GRIN2B: variants seen among roughly 807,000 people sequenced by gnomAD.
GRIN2B encodes glutamate receptor ionotropic, NMDA 2B.
A neutral mutation model predicts 114.5 loss-of-function variants in GRIN2B; 5 were observed. The ratio of observed to expected loss-of-function variants is 0.04; its 90% confidence interval spans 0.02 to 0.09. The LOEUF is 0.09. Among genes scored for constraint, GRIN2B ranks in the 10% least tolerant of loss-of-function variants. GRIN2B has a pLI of 1.00. For synonymous variants in GRIN2B, 787 were observed against 745.1 expected (o/e 1.06, Z -0.92); for missense variants, 1,108 against 1,943.5 (o/e 0.57, Z 8.08).
At chr12:13,609,127 A>G (rs1052241465) in intron 9 of GRIN2B, among the ~76,000 whole-genome samples, 15 of 152,142 alleles carry the variant, frequency 9.9e-5, no homozygotes, top group Non-Finnish European at 1.9e-4. Context: ...ACCTGCCCCC[A>G]TATACAAGAC....
At chr12:13,598,209 T>C (rs2136451161) in intron 10 of GRIN2B, among the ~76,000 whole-genome samples, 1 of 152,362 alleles carries the variant, frequency 6.6e-6, no homozygotes, top group Non-Finnish European at 1.5e-5. Context: ...CCAACCTCAG[T>C]GCAGCTGGTC....
At chr12:13,676,429 T>A (rs1418766633) in intron 4 of GRIN2B, among the ~76,000 whole-genome samples, 2 of 152,166 alleles carry the variant, frequency 1.3e-5, no homozygotes, top group Non-Finnish European at 2.9e-5. Context: ...TCAGCCTTTT[T>A]GAGCCTCTGT....
intron 4 of GRIN2B, among the ~76,000 whole-genome samples, chr12:13,726,563 TATATATTATA>T (rs1482267311): frequency 2.0e-5 from 3 of 147,668 alleles, no homozygotes; most frequent in Admixed American, 6.8e-5. Context: ...TATATATATT[TATATATTATA>T]AATATATATA....
rs1867046312 is a variant in GRIN2B, at chr12:13,932,211, G to A, written c.-19+47717C>T. 2.0e-5 allele frequency among the ~76,000 whole-genome samples: 3 copies of A among 152,174 alleles called. No individual in the cohort carries two copies. In the South Asian group the frequency reaches 6.2e-4, roughly 32 times the overall value. ...ATACCAAACTCGCTCATGTCCTGGGGCATATGTCCTGGTTGTTGGTTCTCT... is the reference window on the plus strand; with the variant it reads ...ATACCAAACTCGCTCATGTCCTGGGACATATGTCCTGGTTGTTGGTTCTCT... On this transcript the variant is annotated intron_variant, in intron 2 of 13. Transcript: ENST00000609686.
chr12:13,888,436 T>TG (rs35973211), intron 2 of GRIN2B, among the ~76,000 whole-genome samples: 6 of 145,862 alleles, frequency 4.1e-5, no homozygotes, highest in Admixed American at 1.4e-4. Context: ...GCATAAAAGA[T>TG]AAAAAAAAAA....
At chr12:13,691,683 G>GT (rs1950216192) in intron 4 of GRIN2B, among the ~76,000 whole-genome samples, 1 of 152,166 alleles carries the variant, frequency 6.6e-6, no homozygotes, top group Admixed American at 6.5e-5. Context: ...GGGGGTTGGG[G>GT]TGAGTGTAGA....
intron 2 of GRIN2B, among the ~76,000 whole-genome samples, chr12:13,931,886 C>A (rs922543734): frequency 4.6e-5 from 7 of 152,116 alleles, no homozygotes; most frequent in Non-Finnish European, 1.0e-4. Context: ...ATAACTGCGA[C>A]CTTAATCCCC....
chr12:13,621,621 T>G (rs1400210890), intron 5 of GRIN2B, among the ~76,000 whole-genome samples: 60 of 145,246 alleles, frequency 4.1e-4, no homozygotes, highest in African/African-American at 9.0e-4. Context: ...TTGTTTTTTT[T>G]TTTTTTTTTT....
intron 2 of GRIN2B, among the ~76,000 whole-genome samples, chr12:13,973,810 G>A (rs1217581971): frequency 6.6e-6 from 1 of 152,190 alleles, no homozygotes. Context: ...TGGTGAAAGT[G>A]TAGATAAATG....
intron 4 of GRIN2B, among the ~76,000 whole-genome samples, chr12:13,750,719 G>A (rs562765915): frequency 1.3e-5 from 2 of 152,314 alleles, no homozygotes; most frequent in South Asian, 2.1e-4. Context: ...AGAGCAGAAC[G>A]GGAAGGCTCC....
intron 4 of GRIN2B, among the ~76,000 whole-genome samples, chr12:13,744,813 T>C (rs1188558885): frequency 1.3e-5 from 2 of 152,170 alleles, no homozygotes; most frequent in South Asian, 2.1e-4. Context: ...AACCCCACCA[T>C]GTCCTCCCGG....
chr12:13,599,027 T>C (rs753808311), intron 10 of GRIN2B, among the ~76,000 whole-genome samples: 1 of 152,210 alleles, frequency 6.6e-6, no homozygotes, highest in Non-Finnish European at 1.5e-5. Flanking sequence ...CTCTCCACTC[T>C]GGCCATTCTC....
intron 3 of GRIN2B, among the ~76,000 whole-genome samples, chr12:13,853,433 T>C (rs1328445223): frequency 2.6e-5 from 4 of 152,256 alleles, no homozygotes; most frequent in Admixed American, 6.5e-5. Context: ...GCATATAATA[T>C]GAATTGCATA....
chr12:13,715,105 A>T (rs1478336501), intron 4 of GRIN2B, among the ~76,000 whole-genome samples: 1 of 151,874 alleles, frequency 6.6e-6, no homozygotes, highest in Non-Finnish European at 1.5e-5. Flanking sequence ...GATAGTTATG[A>T]CGATGATGTA....
chr12:13,605,934 C>T (rs1050066682), intron 10 of GRIN2B, among the ~76,000 whole-genome samples: 4 of 152,116 alleles, frequency 2.6e-5, no homozygotes, highest in Admixed American at 6.5e-5. Flanking sequence ...TATTGATGCA[C>T]GGTGACATGA....
chr12:13,951,116 G>T (rs1353054255), intron 2 of GRIN2B, among the ~76,000 whole-genome samples: 2 of 152,122 alleles, frequency 1.3e-5, no homozygotes, highest in Admixed American at 6.5e-5. Context: ...GAACTTCAAT[G>T]ATAAATATCA....
intron 2 of GRIN2B, among the ~76,000 whole-genome samples, chr12:13,942,307 G>C (rs1415582727): frequency 7.1e-6 from 1 of 140,882 alleles, no homozygotes; most frequent in African/African-American, 2.7e-5. Context: ...CCCTGCAACT[G>C]TTCTAGGCAA....
chr12:13,637,477 T>A (rs1355074565), intron 5 of GRIN2B, among the ~76,000 whole-genome samples: 2 of 152,118 alleles, frequency 1.3e-5, no homozygotes, highest in Admixed American at 6.5e-5. Context: ...AAGAAAAATA[T>A]CAGTTGTCTT....
intron 3 of GRIN2B, among the ~76,000 whole-genome samples, chr12:13,758,577 G>A (rs1863620574): frequency 6.6e-6 from 1 of 152,184 alleles, no homozygotes; most frequent in Non-Finnish European, 1.5e-5. Flanking sequence ...GTCTCCTAAG[G>A]TAGTGAGCTC....
Sources: allele counts gnomAD v4.1 joint callset (sites outside exome capture counted in the v4.1 genomes callset), GRCh38; gene constraint gnomAD v4.1.1; transcripts MANE v1.5; gene names NCBI Gene and HGNC (gene_info 2026-07-23, HGNC 2026-07-21).